The following NTRK3 variants were observed in gnomAD, a reference collection of about 807,000 sequenced individuals.
NTRK3 encodes NT-3 growth factor receptor.
In NTRK3, 24 loss-of-function variants were observed where a neutral mutation model predicts 91.7. That is an observed-to-expected ratio of 0.26 (90% CI 0.19 to 0.37). NTRK3 has a LOEUF of 0.37. Among genes scored for constraint, NTRK3 ranks in the 10% least tolerant of loss-of-function variants. The probability of loss-of-function intolerance (pLI) is 1.00; values close to 1 mark genes in which losing one functional copy is unlikely to be tolerated. For missense variants in NTRK3, 880 were observed against 1,068.9 expected (o/e 0.82, Z 2.46); for synonymous variants, 483 against 404.0 (o/e 1.20, Z -2.34).
chr15:88,075,165 C>T (rs2047426420), intron 13 of NTRK3, among the ~76,000 whole-genome samples: 1 of 152,200 alleles, frequency 6.6e-6, no homozygotes, highest in African/African-American at 2.4e-5. Flanking sequence ...CCCTCAGCTG[C>T]CTGGATCAGC....
rs763490792 is a variant in NTRK3, at chr15:88,147,337, T to A, written c.462A>T (p.Glu154Asp). The A allele has an allele frequency of 2.5e-6, 4 of 1,613,168 alleles. No homozygotes were observed. In the South Asian group the frequency reaches 4.4e-5, roughly 18 times the overall value. Reference sequence around the variant, plus strand: ...ACAGTCTTCAAAACCAAACTTACAATTCCCGAAGACTCAGCGTCTGGAAGA... The same window carrying A: ...ACAGTCTTCAAAACCAAACTTACAAATCCCGAAGACTCAGCGTCTGGAAGA... Residue 154 changes from glutamate to aspartate, a missense_variant and splice_region_variant, in exon 6 of 19, where the codon GAA becomes GAT. Glu to Asp is a conservative substitution (Grantham distance 45). This residue lies in a region of NTRK3 where 743 missense variants were observed against 868.6 expected (regional missense o/e 0.86). Transcript: ENST00000394480.
At chr15:87,884,422 T>C (rs758560753) in intron 17 of NTRK3, among the ~76,000 whole-genome samples, 88 of 151,820 alleles carry the variant, frequency 5.8e-4, no homozygotes, top group Non-Finnish European at 9.8e-4. Flanking sequence ...TTATACTTTT[T>C]CAAAGCAAAA....
At chr15:87,901,392 G>A (rs1308936587) in intron 17 of NTRK3, among the ~76,000 whole-genome samples, 1 of 152,192 alleles carries the variant, frequency 6.6e-6, no homozygotes, top group African/African-American at 2.4e-5. Flanking sequence ...AACGAAACTG[G>A]GATGAAGTAT....
At chr15:87,884,333 T>TA (rs1240105386) in intron 17 of NTRK3, among the ~76,000 whole-genome samples, 2 of 151,440 alleles carry the variant, frequency 1.3e-5, no homozygotes, top group Non-Finnish European at 1.5e-5. Context: ...ACCATAATTG[T>TA]AAAAAAAATC....
At chr15:87,920,771 A>G (rs2067800520) in intron 17 of NTRK3, among the ~76,000 whole-genome samples, 2 of 152,050 alleles carry the variant, frequency 1.3e-5, no homozygotes, top group Non-Finnish European at 2.9e-5. Context: ...GGAGGCTCCT[A>G]AGGGTGCATC....
intron 3 of NTRK3, among the ~76,000 whole-genome samples, chr15:88,249,537 T>C (rs541560213): frequency 1.3e-5 from 2 of 152,206 alleles, no homozygotes; most frequent in Admixed American, 1.3e-4. Context: ...CCCTGCCCAC[T>C]CTGGGCCCTT....
chr15:88,184,174 G>T (rs2882078), intron 4 of NTRK3, 51 bp downstream of exon 4: 1 of 1,575,678 alleles, frequency 6.3e-7, no homozygotes, highest in Middle Eastern at 1.7e-4. Context: ...AGACCAGGTG[G>T]CATCCACCCC....
At position 87,878,691 on chromosome 15, in the gene NTRK3, G is replaced by A. The variant is rs565999451; in HGVS notation, c.2293-1571C>T. Among the ~76,000 whole-genome samples the A allele has an allele frequency of 3.4e-4, 52 of 152,348 alleles. 1 individual carries two copies. Among genetic ancestry groups the A allele is most frequent in the African/African-American group, 1.3e-3 (52 of 41,588 alleles). On this transcript the variant is annotated intron_variant, in intron 18 of 18. Coordinates refer to ENST00000394480, the Ensembl canonical transcript of NTRK3. ...TGTCAGTATGTGGCTGCTATGGTGG[G>A]TGGAGTGGGGGAAGTGGCTGAGGGC... is the stretch of plus-strand genomic sequence containing the variant.
intron 6 of NTRK3, among the ~76,000 whole-genome samples, chr15:88,140,675 G>A (rs766862034): frequency 3.9e-5 from 6 of 152,206 alleles, no homozygotes; most frequent in Non-Finnish European, 8.8e-5. Flanking sequence ...CACGTCCTGT[G>A]GCCTCTGGAA....
chr15:88,001,224 A>G (rs1049484730), intron 14 of NTRK3, among the ~76,000 whole-genome samples: 12 of 152,094 alleles, frequency 7.9e-5, no homozygotes, highest in Non-Finnish European at 1.5e-4. Context: ...TGTTCTTTAT[A>G]TATTCTGGAT....
chr15:88,142,973 G>T (rs1023724394), intron 6 of NTRK3, among the ~76,000 whole-genome samples: 2 of 152,052 alleles, frequency 1.3e-5, no homozygotes, highest in African/African-American at 2.4e-5. Flanking sequence ...TCAACATTTT[G>T]GGGGGCCAAG....
At chr15:88,051,568 C>G (rs1440489292) in intron 13 of NTRK3, among the ~76,000 whole-genome samples, 2 of 152,212 alleles carry the variant, frequency 1.3e-5, no homozygotes, top group Admixed American at 1.3e-4. Flanking sequence ...CCATCTTGGT[C>G]ATGCCTCTTA....
At chr15:88,020,085 G>A (rs1005153970) in intron 14 of NTRK3, among the ~76,000 whole-genome samples, 6 of 152,240 alleles carry the variant, frequency 3.9e-5, no homozygotes, top group Non-Finnish European at 2.9e-5. Flanking sequence ...GGAGGGGACC[G>A]TGCAGGCACA....
intron 13 of NTRK3, among the ~76,000 whole-genome samples, chr15:88,057,713 G>A (rs1052900303): frequency 1.3e-5 from 2 of 152,196 alleles, no homozygotes; most frequent in Admixed American, 6.5e-5. Context: ...GGGGCTGTGA[G>A]CTGCCGGGAA....
intron 14 of NTRK3, among the ~76,000 whole-genome samples, chr15:88,017,274 G>A (rs553241538): frequency 1.3e-5 from 2 of 152,096 alleles, no homozygotes; most frequent in African/African-American, 2.4e-5. Context: ...AAGCATGGAT[G>A]TTAGAAGCTC....
chr15:87,864,152 T>G, exon 19 of NTRK3: 1 of 232,860 alleles, frequency 4.3e-6, no homozygotes, highest in East Asian at 6.0e-5. Flanking sequence ...TGCCCCAACT[T>G]GCTTTCCTTT....
intron 17 of NTRK3, among the ~76,000 whole-genome samples, chr15:87,905,763 C>G (rs560357821): frequency 6.6e-6 from 1 of 152,210 alleles, no homozygotes; most frequent in East Asian, 1.9e-4. Flanking sequence ...ATGCATGGTC[C>G]CTCCTTCCAA....
At chr15:87,898,154 A>AT (rs1225726127) in intron 17 of NTRK3, among the ~76,000 whole-genome samples, 1 of 152,164 alleles carries the variant, frequency 6.6e-6, no homozygotes, top group Non-Finnish European at 1.5e-5. Flanking sequence ...AGCACTTCCT[A>AT]TTTTTTCTAA....
At chr15:88,116,967 C>G (rs1324109075) in intron 13 of NTRK3, among the ~76,000 whole-genome samples, 2 of 152,180 alleles carry the variant, frequency 1.3e-5, no homozygotes, top group African/African-American at 2.4e-5. Context: ...GGTCTGCAGA[C>G]TACATAAATG....
Sources: allele counts gnomAD v4.1 joint callset (sites outside exome capture counted in the v4.1 genomes callset), GRCh38; gene constraint gnomAD v4.1.1; regional missense constraint gnomAD v4.1.1; transcripts MANE v1.5; gene names NCBI Gene and HGNC (gene_info 2026-07-23, HGNC 2026-07-21).